The following SLC25A48 variants were observed in gnomAD, a reference collection of about 807,000 sequenced individuals.
SLC25A48 encodes solute carrier family 25 member 48.
Under a neutral mutation model 32.2 loss-of-function variants are expected in SLC25A48, and 29 were observed. The observed-to-expected ratio is 0.90, with a 90% confidence interval of 0.67 to 1.23. SLC25A48 has a LOEUF of 1.23. Among genes scored for constraint, SLC25A48 ranks in the 50% most tolerant of loss-of-function variants. SLC25A48 has a pLI of 0.00. For missense variants in SLC25A48, 399 were observed against 422.7 expected (o/e 0.94, Z 0.49); for synonymous variants, 164 against 172.3 (o/e 0.95, Z 0.38).
chr5:135,671,041 G>A (rs1054100068), intron 3 of SLC25A48, among the ~76,000 whole-genome samples: 2 of 152,148 alleles, frequency 1.3e-5, no homozygotes, highest in African/African-American at 2.4e-5. Context: ...GTCATGGCAC[G>A]GACGAATGGC....
upstream of SLC25A48, among the ~76,000 whole-genome samples, chr5:135,833,499 C>T (rs908393759): frequency 5.3e-5 from 8 of 152,224 alleles, no homozygotes; most frequent in African/African-American, 1.9e-4. Flanking sequence ...GCATATATCC[C>T]GGGCATGACA....
intron 1 of SLC25A48, among the ~76,000 whole-genome samples, chr5:135,610,862 C>A (rs1752047155): frequency 6.6e-6 from 1 of 152,218 alleles, no homozygotes; most frequent in Admixed American, 6.5e-5. Context: ...AGAGCTTATT[C>A]TCACTTTATA....
chr5:135,604,531 G>A (rs1438943439), intron 1 of SLC25A48, among the ~76,000 whole-genome samples: 1 of 152,184 alleles, frequency 6.6e-6, no homozygotes, highest in Non-Finnish European at 1.5e-5. Context: ...TCTTTTGATG[G>A]TTATTTCTTT....
intron 2 of SLC25A48, among the ~76,000 whole-genome samples, chr5:135,630,543 G>C (rs1018666115): frequency 2.0e-5 from 3 of 147,272 alleles, no homozygotes; most frequent in African/African-American, 5.0e-5. Flanking sequence ...GCTCAGGGTG[G>C]AAGGATAAGA....
chr5:135,750,910 C>A (rs62365675), intron 3 of SLC25A48, among the ~76,000 whole-genome samples: 46,068 of 152,064 alleles, frequency 0.3, 7,134 homozygotes, highest in East Asian at 0.46. Context: ...CTCTGGCTCT[C>A]CTGCAATCAC....
chr5:135,754,169 G>C (rs75000258), intron 3 of SLC25A48, among the ~76,000 whole-genome samples: 2,443 of 151,974 alleles, frequency 0.016, 47 homozygotes, highest in African/African-American at 0.044. Context: ...GACAGTAGCA[G>C]TCATATCTCG....
At chr5:135,644,299 G>A (rs534166071) in intron 3 of SLC25A48, among the ~76,000 whole-genome samples, 2 of 152,248 alleles carry the variant, frequency 1.3e-5, no homozygotes, top group African/African-American at 4.8e-5. Flanking sequence ...TGTGAAAACA[G>A]GTGGTGGAAG....
At chr5:135,581,096 A>G (rs1274848601) in intron 1 of SLC25A48, among the ~76,000 whole-genome samples, 2 of 152,228 alleles carry the variant, frequency 1.3e-5, no homozygotes, top group African/African-American at 4.8e-5. Context: ...TGATAATAAT[A>G]TGTACAGCAT....
intron 3 of SLC25A48, among the ~76,000 whole-genome samples, chr5:135,657,256 A>G (rs912625464): frequency 6.6e-6 from 1 of 152,232 alleles, no homozygotes; most frequent in African/African-American, 2.4e-5. Context: ...GTTTAGAGCC[A>G]ACATCCAAAT....
At chr5:135,870,382 A>G (rs541577187) in intron 4 of SLC25A48, among the ~76,000 whole-genome samples, 62 of 152,342 alleles carry the variant, frequency 4.1e-4, no homozygotes, top group African/African-American at 1.4e-3. Flanking sequence ...AAGGATCCAT[A>G]GCAGAGAAGG....
chr5:135,593,407 G>C (rs1751572152), intron 1 of SLC25A48, among the ~76,000 whole-genome samples: 1 of 152,174 alleles, frequency 6.6e-6, no homozygotes, highest in African/African-American at 2.4e-5. Flanking sequence ...CTTAACCTCA[G>C]GTCAACACTC....
At chr5:135,646,678 T>TATATATATATATATATATATATATAC (rs966073970) in intron 3 of SLC25A48, among the ~76,000 whole-genome samples, 6 of 136,748 alleles carry the variant, frequency 4.4e-5, no homozygotes, top group African/African-American at 1.1e-4. Context: ...TATATATATA[T>TATATATATATATATATATATATATAC]ACAATGGGAA....
chr5:135,802,640 C>T (rs1187366354), intron 3 of SLC25A48, among the ~76,000 whole-genome samples: 10 of 150,474 alleles, frequency 6.6e-5, no homozygotes, highest in Non-Finnish European at 1.5e-5. Flanking sequence ...GTGTGTTCAC[C>T]CTGTGATATT....
chr5:135,767,646 C>T (rs1580856529), intron 3 of SLC25A48, among the ~76,000 whole-genome samples: 1 of 150,322 alleles, frequency 6.7e-6, no homozygotes, highest in African/African-American at 2.4e-5. Flanking sequence ...ATATTGTTCA[C>T]AATATCCAGG....
intron 4 of SLC25A48, among the ~76,000 whole-genome samples, chr5:135,823,795 C>T (rs1270006506): frequency 1.3e-5 from 2 of 152,158 alleles, no homozygotes; most frequent in African/African-American, 4.8e-5. Flanking sequence ...AGGAAGTCAC[C>T]ACCTAGGAGA....
In SLC25A48 at chr5:135,796,446, G is replaced by T. The variant is rs78368904; in HGVS notation, c.-520-16077G>T. On this transcript the variant is annotated intron_variant, in intron 3 of 10. Transcript: ENST00000646290. ...TTCACAATATCTAGGGGTGGAGAGGGTGATATTACTCCCCATATCCCAGGG... is the reference window on the plus strand; with the variant it reads ...TTCACAATATCTAGGGGTGGAGAGGTTGATATTACTCCCCATATCCCAGGG... 8.3e-3 allele frequency among the ~76,000 whole-genome samples: 1,256 copies of T among 151,648 alleles called. 9 individuals carry two copies. Among genetic ancestry groups the T allele is most frequent in the African/African-American group, 0.026 (1,093 of 41,320 alleles).
chr5:135,849,771 A>G (rs1311750933), intron 2 of SLC25A48, among the ~76,000 whole-genome samples: 2 of 152,184 alleles, frequency 1.3e-5, no homozygotes, highest in African/African-American at 4.8e-5. Flanking sequence ...TGGAGGCAGG[A>G]AAGAATTGCT....
chr5:135,875,857 C>G (rs1369728127), intron 6 of SLC25A48: 1 of 152,164 alleles, frequency 6.6e-6, no homozygotes, highest in African/African-American at 2.4e-5. Flanking sequence ...TTGGTCACTA[C>G]CCATTAAGCA....
chr5:135,769,656 C>T (rs1246129323), intron 3 of SLC25A48, among the ~76,000 whole-genome samples: 1 of 151,322 alleles, frequency 6.6e-6, no homozygotes, highest in Non-Finnish European at 1.5e-5. Flanking sequence ...TGATATTACT[C>T]CGAATATCGC....
Sources: gnomAD v4.1 joint callset for allele counts (sites outside exome capture counted in the v4.1 genomes callset) on GRCh38, gnomAD v4.1.1 for gene constraint, MANE v1.5 for transcripts, NCBI Gene and HGNC (gene_info 2026-07-23, HGNC 2026-07-21) for gene names.